IL5RA: variants seen among roughly 807,000 people sequenced by gnomAD.
IL5RA encodes interleukin 5 receptor subunit alpha.
IL5RA carries 49 observed loss-of-function variants against 50.0 expected under a neutral mutation model. That is an observed-to-expected ratio of 0.98 (90% CI 0.78 to 1.24). The LOEUF is 1.24. Among genes scored for constraint, IL5RA ranks in the 50% most tolerant of loss-of-function variants. IL5RA has a pLI of 0.00. For missense variants in IL5RA, 600 were observed against 500.4 expected, an observed-to-expected ratio of 1.20 and a Z score of -1.90; for synonymous variants, 202 against 174.0, an observed-to-expected ratio of 1.16 and a Z score of -1.26.
chr3:3,074,094 T>G (rs1702393803), intron 11 of IL5RA, among the ~76,000 whole-genome samples: 1 of 152,246 alleles, frequency 6.6e-6, no homozygotes, highest in Admixed American at 6.5e-5. Flanking sequence ...GAGCCATAAC[T>G]AAGTGACCAC....
chr3:3,083,831 T>C (rs2125962216), intron 9 of IL5RA, among the ~76,000 whole-genome samples: 1 of 152,266 alleles, frequency 6.6e-6, no homozygotes, highest in Non-Finnish European at 1.5e-5. Context: ...GGTGGATCAC[T>C]TGAGGTCACG....
intron 9 of IL5RA, among the ~76,000 whole-genome samples, chr3:3,086,472 T>G (rs776172592): frequency 2.6e-5 from 4 of 151,934 alleles, no homozygotes; most frequent in Non-Finnish European, 4.4e-5. Context: ...GGAAGTTAGC[T>G]CTTAAGATAA....
rs233565 is a variant in IL5RA, at chr3:3,099,522, G to A, written c.368-1232C>T. On this transcript the variant is annotated intron_variant, in intron 5 of 11. Transcript: ENST00000446632. ...CATGTGCCTATAGTTCCAGCTACTCGGGAGGTTGAGGTGGGAGGATCACTT... is the reference window on the plus strand; with the variant it reads ...CATGTGCCTATAGTTCCAGCTACTCAGGAGGTTGAGGTGGGAGGATCACTT... Among the ~76,000 whole-genome samples the A allele has an allele frequency of 6.7e-3, 1,018 of 151,972 alleles. 11 individuals are homozygous for A. Among genetic ancestry groups the A allele is most frequent in the African/African-American group, 0.023 (973 of 41,430 alleles).
intron 7 of IL5RA, among the ~76,000 whole-genome samples, chr3:3,097,338 G>A (rs758788848): frequency 5.3e-5 from 8 of 152,180 alleles, no homozygotes; most frequent in Non-Finnish European, 8.8e-5. Context: ...GATGGGAAAC[G>A]TGCTGCCTGT....
intron 11 of IL5RA, among the ~76,000 whole-genome samples, chr3:3,074,179 C>G (rs918292434): frequency 6.6e-6 from 1 of 152,160 alleles, no homozygotes; most frequent in Non-Finnish European, 1.5e-5. Flanking sequence ...TTTGCCTTTT[C>G]TATGGTCTTT....
intron 5 of IL5RA, among the ~76,000 whole-genome samples, chr3:3,100,913 G>A (rs534176381): frequency 2.6e-4 from 40 of 151,792 alleles, no homozygotes; most frequent in Non-Finnish European, 5.0e-4. Context: ...TTGGGAGGCC[G>A]AGGCGGGTGG....
At chr3:3,087,820 C>T (rs1162682932) in intron 9 of IL5RA, among the ~76,000 whole-genome samples, 2 of 152,160 alleles carry the variant, frequency 1.3e-5, no homozygotes, top group African/African-American at 2.4e-5. Flanking sequence ...ATTATTGCTG[C>T]ATCCTCAAGG....
At chr3:3,077,366 T>C (rs1433188620) in intron 9 of IL5RA, among the ~76,000 whole-genome samples, 1 of 152,246 alleles carries the variant, frequency 6.6e-6, no homozygotes, top group Admixed American at 6.5e-5. Flanking sequence ...GTTTGTTACA[T>C]ATGTATAAAC....
chr3:3,081,191 G>T (rs1702652852), intron 9 of IL5RA, among the ~76,000 whole-genome samples: 3 of 152,078 alleles, frequency 2.0e-5, no homozygotes, highest in African/African-American at 4.8e-5. Context: ...TGGAACTGAG[G>T]GCTCTGTTAG....
rs563725309 is a variant in IL5RA, at chr3:3,092,777, T to A, written c.856-415A>T. Among the ~76,000 whole-genome samples the A allele has an allele frequency of 2.0e-5, 3 of 152,318 alleles. No individual in the cohort carries two copies. In the South Asian group the frequency reaches 6.2e-4, roughly 32 times the overall value. Reference sequence around the variant, plus strand: ...TGAAATGAAGCTATTTTCTCATGAATGAGCCCTTCTTCTTTTTCCTTCTAC... The same window carrying A: ...TGAAATGAAGCTATTTTCTCATGAAAGAGCCCTTCTTCTTTTTCCTTCTAC... On this transcript the variant is annotated intron_variant, in intron 8 of 11. Transcript: ENST00000446632. The surrounding 1 kb of genome is among the most constrained non-coding windows in gnomAD (Gnocchi z 4.2).
At chr3:3,100,605 A>G (rs777587513) in intron 5 of IL5RA, among the ~76,000 whole-genome samples, 7 of 152,236 alleles carry the variant, frequency 4.6e-5, no homozygotes, top group Non-Finnish European at 7.3e-5. Flanking sequence ...GGTTCAAAAC[A>G]GAAATAATTT....
chr3:3,098,294 G>A lies in IL5RA; in HGVS notation c.368-4C>T, dbSNP rs758865855. 3.3e-5 allele frequency: 53 copies of A among 1,613,106 alleles called. 1 individual carries two copies. In the South Asian group the frequency reaches 5.2e-4, roughly 16 times the overall value. ...ACAATTGAGGTTCCAGGAGACCCTA[G>A]GTAGTCAAAAGTAAAAAGGACAAAA... On this transcript the variant is annotated splice_polypyrimidine_tract_variant and splice_region_variant and intron_variant, in intron 5 of 11. Transcript: ENST00000446632.
chr3:3,096,150 C>T (rs1327592958), intron 7 of IL5RA, among the ~76,000 whole-genome samples: 4 of 151,868 alleles, frequency 2.6e-5, no homozygotes, highest in Non-Finnish European at 4.4e-5. Context: ...TGGTGGTGGG[C>T]GCCTGTAGTC....
Position 3,110,098 on chromosome 3 carries a change from T to C in IL5RA, c.-299A>G, listed in dbSNP as rs910904440. On this transcript the variant is annotated 5_prime_UTR_variant, in exon 1 of 12. Transcript: ENST00000446632. ...AACTCTCAGGCAGCTTCCTTCATGATGGGATGGCAACACGTTTTCTCTAAG... is the reference window on the plus strand; with the variant it reads ...AACTCTCAGGCAGCTTCCTTCATGACGGGATGGCAACACGTTTTCTCTAAG... 1 of 152,180 alleles carries C rather than the reference T, an allele frequency of 6.6e-6. No individual in the cohort carries two copies. Among genetic ancestry groups the C allele is most frequent in the African/African-American group, 2.4e-5 (1 of 41,422 alleles). The allele number at this position is 152,180 out of a possible 1,614,324, so 9.4% of individuals were successfully genotyped here.
chr3:3,094,694 T>G (rs1488169275), intron 8 of IL5RA, among the ~76,000 whole-genome samples: 2 of 152,174 alleles, frequency 1.3e-5, no homozygotes, highest in Non-Finnish European at 2.9e-5. Context: ...ATCGTTTTTA[T>G]AGTAGCTGCA....
At chr3:3,101,881 G>T (rs113923722) in intron 4 of IL5RA, 51 bp from the exon 5 acceptor site, 6 of 1,512,208 alleles carry the variant, frequency 4.0e-6, no homozygotes. Context: ...CTAGACTTAA[G>T]AGAGCTATTT....
At chr3:3,107,733 A>G (rs1007298798) in intron 2 of IL5RA, among the ~76,000 whole-genome samples, 6 of 152,184 alleles carry the variant, frequency 3.9e-5, no homozygotes, top group Non-Finnish European at 5.9e-5. Flanking sequence ...AAAATTCCTC[A>G]AGTGCTCTCT....
chr3:3,070,985 AT>A (rs1466598321), intron 11 of IL5RA, among the ~76,000 whole-genome samples: 4 of 152,246 alleles, frequency 2.6e-5, no homozygotes, highest in Admixed American at 2.6e-4. Flanking sequence ...GCTTCATCAT[AT>A]TCCTTCCATA....
intron 11 of IL5RA, 68 bp from the exon 12 acceptor site, chr3:3,070,379 A>G: frequency 3.3e-6 from 3 of 920,366 alleles, no homozygotes; most frequent in Non-Finnish European, 5.2e-6. Flanking sequence ...AATCTTTACA[A>G]TTGGCTTTAA....
Sources: allele counts gnomAD v4.1 joint callset (sites outside exome capture counted in the v4.1 genomes callset), GRCh38; gene constraint gnomAD v4.1.1; non-coding constraint Gnocchi (gnomAD v3.1); transcripts MANE v1.5; gene names NCBI Gene and HGNC (gene_info 2026-07-23, HGNC 2026-07-21).